ZNF521: variants seen among roughly 807,000 people sequenced by gnomAD.
ZNF521 encodes the protein zinc finger protein 521, also known as LYST-interacting protein 3.
ZNF521 carries 14 observed loss-of-function variants against 105.5 expected under a neutral mutation model. That is an observed-to-expected ratio of 0.13 (90% CI 0.09 to 0.21). The LOEUF is 0.21. ZNF521 is among the 10% of genes least tolerant of loss of function. ZNF521 has a pLI of 1.00. For missense variants in ZNF521, 1,233 were observed against 1,629.7 expected, an observed-to-expected ratio of 0.76 and a Z score of 4.19; for synonymous variants, 635 against 606.0, an observed-to-expected ratio of 1.05 and a Z score of -0.70.
At chr18:25,238,300 T>C (rs1443942904) in intron 3 of ZNF521, among the ~76,000 whole-genome samples, 2 of 152,236 alleles carry the variant, frequency 1.3e-5, no homozygotes, top group Non-Finnish European at 2.9e-5. Flanking sequence ...TGCTAACTGA[T>C]GTATGTATTC....
chr18:25,234,592 G>A (rs1226848513), intron 3 of ZNF521, among the ~76,000 whole-genome samples: 2 of 152,036 alleles, frequency 1.3e-5, no homozygotes, highest in Non-Finnish European at 2.9e-5. Flanking sequence ...AACATATGAG[G>A]TATTATAAGA....
chr18:25,160,401 C>A (rs78443760), intron 5 of ZNF521, among the ~76,000 whole-genome samples: 8 of 152,242 alleles, frequency 5.3e-5, no homozygotes, highest in African/African-American at 1.9e-4. Context: ...TTCCACACTA[C>A]GTGATTAATT....
rs2033699133 is a variant in ZNF521, at chr18:25,089,497, G to A, written c.3874C>T (p.Pro1292Ser). ...TCTGTTTGGAAGAAAAACTTCTGTG[G>A]ACATTGTGTACAGTCATAGATCTTG... is the stretch of plus-strand genomic sequence containing the variant. ...EDKIYDCTQCPQKFFFQTELQ... is the reference protein window; with the variant it reads ...EDKIYDCTQCSQKFFFQTELQ... Residue 1292 changes from proline (P) to serine (S), a missense_variant, in exon 7 of 8, where the codon CCA (proline) becomes TCA (serine). Physicochemically the swap from Pro to Ser is moderately conservative, Grantham distance 74 (BLOSUM62 -1). Around this residue, in one of 6 missense-constraint regions of ZNF521, gnomAD observed 76 missense variants for 137.2 expected, o/e 0.55. Coordinates refer to ENST00000361524, the MANE Select transcript of ZNF521 (RefSeq NM_015461.3). The A allele has an allele frequency of 6.2e-7, 1 of 1,614,096 alleles. No individual in the cohort carries two copies. The highest frequency in any genetic ancestry group is 8.5e-7 in the Non-Finnish European group (1 of 1,179,988).
intron 2 of ZNF521, chr18:25,322,460 T>C (rs1161697234): frequency 2.9e-5 from 13 of 446,246 alleles, no homozygotes; most frequent in Non-Finnish European, 4.5e-5. Context: ...AGACTGACTT[T>C]ACCATTTTTT....
At chr18:25,204,889 G>A (rs2036051752) in intron 4 of ZNF521, among the ~76,000 whole-genome samples, 1 of 151,834 alleles carries the variant, frequency 6.6e-6, no homozygotes, top group African/African-American at 2.4e-5. Flanking sequence ...TTATTTCTAT[G>A]CCATAAAAAA....
intron 5 of ZNF521, among the ~76,000 whole-genome samples, chr18:25,188,014 G>GT (rs964394688): frequency 3.6e-4 from 55 of 152,182 alleles, no homozygotes; most frequent in Middle Eastern, 6.8e-3. Context: ...TGCCTGATTG[G>GT]TTTTTTTGTC....
intron 5 of ZNF521, among the ~76,000 whole-genome samples, chr18:25,115,979 G>C (rs931176185): frequency 4.6e-5 from 7 of 152,180 alleles, no homozygotes; most frequent in African/African-American, 1.7e-4. Flanking sequence ...TATTAATAGA[G>C]ATAAGCACTT....
intron 3 of ZNF521, among the ~76,000 whole-genome samples, chr18:25,287,637 A>G (rs1937951923): frequency 6.6e-6 from 1 of 152,144 alleles, no homozygotes; most frequent in Non-Finnish European, 1.5e-5. Flanking sequence ...AAAGGTCAGC[A>G]ACTATTCCTT....
chr18:25,288,711 A>C (rs1312187439), intron 3 of ZNF521, among the ~76,000 whole-genome samples: 1 of 152,188 alleles, frequency 6.6e-6, no homozygotes, highest in Non-Finnish European at 1.5e-5. Context: ...CAGTGAAGTA[A>C]ACATTTCCAT....
intron 4 of ZNF521, 55 bp from the exon 5 acceptor site, chr18:25,195,299 CT>C (rs1462287984): frequency 1.4e-6 from 2 of 1,381,426 alleles, no homozygotes; most frequent in East Asian, 5.0e-5. Context: ...TTAATTGTTT[CT>C]TTGTTTAAAA....
chr18:25,119,456 TCA>T (rs752289317), intron 5 of ZNF521, among the ~76,000 whole-genome samples: 1 of 152,112 alleles, frequency 6.6e-6, no homozygotes, highest in Non-Finnish European at 1.5e-5. Flanking sequence ...AGAATTAAAA[TCA>T]CACAGAGTAT....
At chr18:25,168,815 A>T (rs1271624556) in intron 5 of ZNF521, among the ~76,000 whole-genome samples, 1 of 152,184 alleles carries the variant, frequency 6.6e-6, no homozygotes, top group African/African-American at 2.4e-5. Flanking sequence ...GACCTGATCG[A>T]CACTAAGTGT....
intron 7 of ZNF521, among the ~76,000 whole-genome samples, chr18:25,088,691 T>C (rs1362306401): frequency 6.6e-6 from 1 of 151,638 alleles, no homozygotes; most frequent in Non-Finnish European, 1.5e-5. Context: ...TAATACATGA[T>C]ACTTCTGGAA....
chr18:25,150,957 C>T (rs1263343117), intron 5 of ZNF521, among the ~76,000 whole-genome samples: 1 of 147,610 alleles, frequency 6.8e-6, no homozygotes, highest in Admixed American at 7.0e-5. Flanking sequence ...GGTGTGATCA[C>T]GGCTCACTGT....
rs1039045010 is a variant in ZNF521 at position 25,227,753 on chromosome 18, T to A, written c.221-56A>T. 6.8e-7 allele frequency: 1 copy of A among 1,471,572 alleles called. No homozygotes were observed. Among genetic ancestry groups the A allele is most frequent in the Non-Finnish European group, 9.2e-7 (1 of 1,083,756 alleles). The allele number at this position is 1,471,572 out of a possible 1,614,324, so 91.2% of individuals were successfully genotyped here. A position where few individuals can be genotyped will look rare whatever the true frequency, so the allele number is the denominator to read the frequency against. Reference sequence around the variant, plus strand: ...TGACATGTTGAGATTCAAGAGTGAGTTTACCGTAGCATTTCAACCAGCACG... The same window carrying A: ...TGACATGTTGAGATTCAAGAGTGAGATTACCGTAGCATTTCAACCAGCACG... On this transcript the variant is annotated intron_variant, in intron 3 of 7. Transcript: ENST00000361524. This position sits in a 1 kb window ranked among gnomAD's most constrained non-coding sequence, Gnocchi z 5.7.
At chr18:25,086,684 C>T (rs932671146) in intron 7 of ZNF521, among the ~76,000 whole-genome samples, 4 of 152,068 alleles carry the variant, frequency 2.6e-5, no homozygotes, top group Non-Finnish European at 4.4e-5. Context: ...CCTGAGTATT[C>T]GCATCAAGAG....
At chr18:25,346,219 A>C (rs976269618) in intron 2 of ZNF521, among the ~76,000 whole-genome samples, 2 of 152,072 alleles carry the variant, frequency 1.3e-5, no homozygotes, top group African/African-American at 2.4e-5. Context: ...ATCAAAACTC[A>C]ATCTTTACTG....
chr18:25,073,924 T>C (rs2033286764), intron 7 of ZNF521, among the ~76,000 whole-genome samples: 1 of 151,758 alleles, frequency 6.6e-6, no homozygotes, highest in Admixed American at 6.6e-5. Flanking sequence ...TTGTCTACTA[T>C]GGCATATGCT....
Position 25,349,057 on chromosome 18 carries a change from T to C in ZNF521, c.40+1850A>G, listed in dbSNP as rs568368967. ...GCCAATCGTGCAAACTTTAATAAAC[T>C]TTTTTTTTTTTGAAAAGAAAAATCC... On this transcript the variant is annotated intron_variant, in intron 2 of 7. Coordinates refer to ENST00000361524, the MANE Select transcript of ZNF521 (RefSeq NM_015461.3). Among the ~76,000 whole-genome samples, 7 of 144,218 alleles carry C rather than the reference T, an allele frequency of 4.9e-5. No homozygotes were observed. The East Asian group carries it at 1.4e-3, about 29-fold the overall frequency. The allele number at this position is 144,218 out of a possible 152,430, so 94.6% of individuals were successfully genotyped here.
Sources: allele counts gnomAD v4.1 joint callset (sites outside exome capture counted in the v4.1 genomes callset), GRCh38; gene constraint gnomAD v4.1.1; regional missense constraint gnomAD v4.1.1; non-coding constraint Gnocchi (gnomAD v3.1); transcripts MANE v1.5; gene names NCBI Gene and HGNC (gene_info 2026-07-23, HGNC 2026-07-21).